Variants in GPM6A observed in about 807,000 individuals in gnomAD.
The protein encoded by GPM6A is neuronal membrane glycoprotein M6-a.
Under a neutral mutation model 32.1 loss-of-function variants are expected in GPM6A, and 7 were observed. The ratio of observed to expected loss-of-function variants is 0.22; its 90% CI spans 0.12 to 0.41. GPM6A has a LOEUF of 0.41. Among genes scored for constraint, GPM6A ranks in the 10% least tolerant of loss-of-function variants. GPM6A has a pLI of 1.00. For synonymous variants in GPM6A, 130 were observed against 123.4 expected, an observed-to-expected ratio of 1.05 and a Z score of -0.35; for missense variants, 235 against 347.2, an observed-to-expected ratio of 0.68 and a Z score of 2.57.
intron 1 of GPM6A, among the ~76,000 whole-genome samples, chr4:175,770,943 G>C (rs557151291): frequency 2.6e-4 from 39 of 152,232 alleles, no homozygotes; most frequent in African/African-American, 8.7e-4. Flanking sequence ...TCTGAGAGCG[G>C]CTTCCTGCAC....
intron 1 of GPM6A, among the ~76,000 whole-genome samples, chr4:175,717,863 A>G (rs1745920238): frequency 6.6e-6 from 1 of 152,236 alleles, no homozygotes; most frequent in South Asian, 2.1e-4. Context: ...AGTTTTCAGC[A>G]TAAATAAGGC....
At chr4:175,772,756 C>CT (rs1415998862) in intron 1 of GPM6A, among the ~76,000 whole-genome samples, 5 of 152,106 alleles carry the variant, frequency 3.3e-5, no homozygotes, top group Admixed American at 3.3e-4. Context: ...GGCTTCCATA[C>CT]TTTTTCTACC....
intron 1 of GPM6A, among the ~76,000 whole-genome samples, chr4:175,862,987 C>G (rs1736618884): frequency 6.6e-6 from 1 of 152,072 alleles, no homozygotes; most frequent in Admixed American, 6.6e-5. Flanking sequence ...TCATCTTTCT[C>G]TCTACACCTC....
chr4:175,653,143 G>C (rs1741897348), intron 3 of GPM6A, among the ~76,000 whole-genome samples: 1 of 151,946 alleles, frequency 6.6e-6, no homozygotes, highest in Non-Finnish European at 1.5e-5. Flanking sequence ...ACTAAAATTA[G>C]CACTTTTGCA....
intron 1 of GPM6A, among the ~76,000 whole-genome samples, chr4:175,716,462 T>C (rs1745848034): frequency 6.9e-6 from 1 of 145,508 alleles, no homozygotes. Flanking sequence ...TATTATACTA[T>C]AATCTTAAAT....
intron 1 of GPM6A, among the ~76,000 whole-genome samples, chr4:175,904,045 G>T (rs1738048509): frequency 6.6e-6 from 1 of 152,080 alleles, no homozygotes; most frequent in Non-Finnish European, 1.5e-5. Context: ...ATTCTATGTG[G>T]ATGGAGTAAA....
intron 2 of GPM6A, among the ~76,000 whole-genome samples, chr4:175,678,493 G>C (rs1223685578): frequency 6.6e-6 from 1 of 152,132 alleles, no homozygotes; most frequent in African/African-American, 2.4e-5. Flanking sequence ...TAGAAATCTA[G>C]AGATCCTGTG....
chr4:175,904,303 C>A (rs1316031279), intron 1 of GPM6A, among the ~76,000 whole-genome samples: 1 of 152,080 alleles, frequency 6.6e-6, no homozygotes, highest in Admixed American at 6.6e-5. Flanking sequence ...AGACAAAAGT[C>A]AAATTTCATT....
At chr4:175,954,388 A>C (rs917332211) in intron 1 of GPM6A, among the ~76,000 whole-genome samples, 1 of 152,208 alleles carries the variant, frequency 6.6e-6, no homozygotes, top group Non-Finnish European at 1.5e-5. Flanking sequence ...ACCCGGCTCA[A>C]GCACTTTAGA....
At chr4:175,887,733 A>T (rs953228027) in intron 1 of GPM6A, among the ~76,000 whole-genome samples, 2 of 151,916 alleles carry the variant, frequency 1.3e-5, no homozygotes, top group Admixed American at 6.6e-5. Flanking sequence ...AATAAAAAAC[A>T]CTAAAAATAA....
At chr4:175,885,495 G>C (rs1737422431) in intron 1 of GPM6A, among the ~76,000 whole-genome samples, 1 of 152,162 alleles carries the variant, frequency 6.6e-6, no homozygotes, top group Non-Finnish European at 1.5e-5. Context: ...TCCAGGTGTG[G>C]TGGAGCACAC....
intron 6 of GPM6A, among the ~76,000 whole-genome samples, chr4:175,637,629 A>ATAAAATAT (rs1740817982): frequency 3.7e-5 from 1 of 26,740 alleles, no homozygotes; most frequent in South Asian, 1.6e-3. Flanking sequence ...TATATATTAT[A>ATAAAATAT]TATATATTAT....
chr4:175,808,379 A>C (rs910027705), intron 1 of GPM6A, among the ~76,000 whole-genome samples: 2 of 152,226 alleles, frequency 1.3e-5, no homozygotes, highest in Non-Finnish European at 2.9e-5. Flanking sequence ...CAGTATTTTA[A>C]ATAATGAGAT....
intron 1 of GPM6A, among the ~76,000 whole-genome samples, chr4:175,846,213 T>G (rs1021814521): frequency 6.6e-6 from 1 of 152,122 alleles, no homozygotes; most frequent in African/African-American, 2.4e-5. Flanking sequence ...TTTGTACATA[T>G]AGGCTTATTT....
At chr4:175,934,823 G>A (rs1739167211) in intron 1 of GPM6A, among the ~76,000 whole-genome samples, 1 of 152,000 alleles carries the variant, frequency 6.6e-6, no homozygotes. Context: ...CAAATCAATT[G>A]CTTCATACTG....
intron 1 of GPM6A, among the ~76,000 whole-genome samples, chr4:175,959,453 CCA>C (rs1247197734): frequency 1.3e-5 from 2 of 151,930 alleles, no homozygotes; most frequent in Non-Finnish European, 2.9e-5. Context: ...CACACACACC[CCA>C]CATACGCACA....
chr4:175,729,832 ATTAT>A (rs530818368), intron 1 of GPM6A, among the ~76,000 whole-genome samples: 4 of 145,930 alleles, frequency 2.7e-5, no homozygotes, highest in Admixed American at 1.4e-4. Flanking sequence ...GTATTTAATA[ATTAT>A]TTATGTATTT....
chr4:175,825,605 G>A (rs1735409797), intron 1 of GPM6A, among the ~76,000 whole-genome samples: 1 of 152,156 alleles, frequency 6.6e-6, no homozygotes, highest in Non-Finnish European at 1.5e-5. Context: ...GGCTCTGTTA[G>A]CTTGTGTTGT....
At chr4:175,814,795 T>G (rs1176553817), upstream of GPM6A, among the ~76,000 whole-genome samples, 1 of 152,198 alleles carries the variant, frequency 6.6e-6, no homozygotes, top group African/African-American at 2.4e-5. Context: ...AGGCTTTCAG[T>G]ATTTATTGGG....
Sources: allele counts gnomAD v4.1 joint callset (sites outside exome capture counted in the v4.1 genomes callset), GRCh38; gene constraint gnomAD v4.1.1; transcripts MANE v1.5; gene names NCBI Gene and HGNC (gene_info 2026-07-23, HGNC 2026-07-21).